SYNE1: variants seen among roughly 807,000 people sequenced by gnomAD.
SYNE1 encodes spectrin repeat containing nuclear envelope protein 1.
In SYNE1, 616 loss-of-function variants were observed where a neutral mutation model predicts 1,111.0. The ratio of observed to expected loss-of-function variants is 0.55; its 90% CI spans 0.52 to 0.59. SYNE1 has a LOEUF of 0.59. Ranked by LOEUF, SYNE1 falls within the 20% of genes least tolerant of loss-of-function variation. The pLI, the probability that SYNE1 is intolerant of heterozygous loss-of-function variation, is 0.00. For synonymous variants in SYNE1, 3,855 were observed against 3,825.8 expected, an observed-to-expected ratio of 1.01 and a Z score of -0.28; for missense variants, 10,006 against 10,417.0, an observed-to-expected ratio of 0.96 and a Z score of 1.72.
intron 3 of SYNE1, among the ~76,000 whole-genome samples, chr6:152,572,180 T>C (rs1204715865): frequency 6.6e-6 from 1 of 152,242 alleles, no homozygotes; most frequent in African/African-American, 2.4e-5. Context: ...TTGCATAATA[T>C]AATACTTAGC....
intron 97 of SYNE1, among the ~76,000 whole-genome samples, chr6:152,279,689 C>T (rs2093905588): frequency 6.8e-6 from 1 of 148,032 alleles, no homozygotes; most frequent in Non-Finnish European, 1.5e-5. Flanking sequence ...TGCTCTCCAG[C>T]CTGGGTGACA....
chr6:152,485,097 A>C (rs1172074096), intron 12 of SYNE1, 125 bp from the exon 13 acceptor site: 12 of 1,120,950 alleles, frequency 1.1e-5, no homozygotes, highest in Non-Finnish European at 1.4e-5. Context: ...GTTGATAATA[A>C]TAACGGTAGT....
chr6:152,584,626 C>T (rs899351565), intron 3 of SYNE1, among the ~76,000 whole-genome samples: 2 of 152,062 alleles, frequency 1.3e-5, no homozygotes, highest in Admixed American at 1.3e-4. Flanking sequence ...CTGCTCTACA[C>T]TTCTGGGCTC....
In SYNE1 at chr6:152,353,389, T is replaced by C. The variant is rs149260051; in HGVS notation, c.11127A>G (p.Glu3709=). ...AATAGGAACTGAGGGATGATTCTGA[T>C]TCCTCCAAACTCTGAATCTCCTCCT... The part of the protein sequence containing the change: ...FLEEEIQSLE[E]SESSLSSYSD... The change falls in exon 69 of 146, where the codon GAA becomes GAG. Residue 3709 remains glutamate (E), a synonymous_variant. Transcript: ENST00000367255. 1,411 of 1,614,240 alleles carry C rather than the reference T, an allele frequency of 8.7e-4. 2 individuals carry two copies. Among genetic ancestry groups the C allele is most frequent in the Non-Finnish European group, 1.1e-3 (1,270 of 1,180,038 alleles).
intron 3 of SYNE1, among the ~76,000 whole-genome samples, chr6:152,602,145 T>C (rs2099597680): frequency 6.6e-6 from 1 of 152,086 alleles, no homozygotes; most frequent in Non-Finnish European, 1.5e-5. Flanking sequence ...TTGTGCCACC[T>C]CCACCCACTG....
chr6:152,439,428 C>T (rs1029066907), intron 32 of SYNE1, among the ~76,000 whole-genome samples: 1 of 152,104 alleles, frequency 6.6e-6, no homozygotes, highest in African/African-American at 2.4e-5. Context: ...TGGGGTATTG[C>T]TATATTGACC....
intron 51 of SYNE1, among the ~76,000 whole-genome samples, chr6:152,394,955 G>A (rs962819475): frequency 2.4e-4 from 36 of 151,760 alleles, no homozygotes; most frequent in Non-Finnish European, 1.5e-5. Context: ...GCTAATTTTT[G>A]TATTTTTAGT....
chr6:152,160,017 CT>C (rs1182679497), intron 131 of SYNE1, among the ~76,000 whole-genome samples: 3 of 150,902 alleles, frequency 2.0e-5, no homozygotes, highest in South Asian at 2.1e-4. Flanking sequence ...TGTTTCTTTT[CT>C]TTTTTTTTAG....
chr6:152,385,444 C>T lies in SYNE1; in HGVS notation c.8652+230G>A, dbSNP rs77249508. Among the ~76,000 whole-genome samples the T allele has an allele frequency of 0.13, 20,293 of 152,168 alleles. 2,673 individuals are homozygous for T. Among genetic ancestry groups the T allele is most frequent in the African/African-American group, 0.33 (13,867 of 41,474 alleles). On this transcript the variant is annotated intron_variant, in intron 55 of 145. Coordinates refer to ENST00000367255, the MANE Select transcript of SYNE1 (RefSeq NM_182961.4). ...TTCCTAGCCTGTCATATTACGGCAA[C>T]AAGCACATTTGCATACAGAAATGTA...
intron 3 of SYNE1, among the ~76,000 whole-genome samples, chr6:152,562,502 A>T (rs1249010472): frequency 6.6e-6 from 1 of 152,228 alleles, no homozygotes; most frequent in African/African-American, 2.4e-5. Context: ...TCTCAAAAAA[A>T]TTAAAAATAG....
chr6:152,276,293 C>T (rs955116536), intron 98 of SYNE1, among the ~76,000 whole-genome samples: 17 of 152,060 alleles, frequency 1.1e-4, no homozygotes, highest in African/African-American at 4.1e-4. Context: ...CCTTGGCCTC[C>T]CAAATTGCTG....
rs2093825009 is a variant in SYNE1 at position 152,278,870 on chromosome 6, G to A, written c.18382-590C>T. 2.0e-5 allele frequency among the ~76,000 whole-genome samples: 3 copies of A among 152,118 alleles called. No individual in the cohort carries two copies. The South Asian group carries it at 6.2e-4, about 32-fold the overall frequency. ...GCGGCCTCCATCTACTGGGTTCAAGGGATCCCCTTGCCTGAGCCTCCCATG... is the reference window on the plus strand; with the variant it reads ...GCGGCCTCCATCTACTGGGTTCAAGAGATCCCCTTGCCTGAGCCTCCCATG... On this transcript the variant is annotated intron_variant, in intron 97 of 145. Coordinates refer to ENST00000367255, the MANE Select transcript of SYNE1 (RefSeq NM_182961.4).
At chr6:152,532,298 T>C (rs1425513430) in intron 4 of SYNE1, among the ~76,000 whole-genome samples, 2 of 152,172 alleles carry the variant, frequency 1.3e-5, no homozygotes, top group Non-Finnish European at 2.9e-5. Context: ...ACCAGGACCA[T>C]CTAGGACCTC....
At position 152,430,146 on chromosome 6, in the gene SYNE1, G is replaced by A; in HGVS notation, c.4754C>T (p.Ala1585Val). 6.2e-7 allele frequency: 1 copy of A among 1,603,590 alleles called. No individual in the cohort carries two copies. The change falls in exon 36 of 146, where the codon GCT (alanine) becomes GTT (valine). Residue 1585 changes from alanine (A) to valine (V), a missense_variant. By Grantham distance (64) the Ala-to-Val change is moderately conservative. Coordinates refer to ENST00000367255, the MANE Select transcript of SYNE1 (RefSeq NM_182961.4). The part of the protein sequence containing the change: ...LAVPIKICSS[A>V]TETYKVLQEH... ...TTGAAGAACTTTGTATGTTTCTGTAGCTGAAGAACATATTTTAATTGGAAC... is the reference window on the plus strand; with the variant it reads ...TTGAAGAACTTTGTATGTTTCTGTAACTGAAGAACATATTTTAATTGGAAC...
intron 24 of SYNE1, 29 bp from the exon 25 acceptor site, chr6:152,453,749 G>A (rs760026132): frequency 1.2e-6 from 2 of 1,613,886 alleles, no homozygotes; most frequent in East Asian, 2.2e-5. Flanking sequence ...GTGGGTAAGA[G>A]TGTTGGACAG....
At chr6:152,258,227 A>G (rs2091304675) in intron 101 of SYNE1, among the ~76,000 whole-genome samples, 1 of 152,228 alleles carries the variant, frequency 6.6e-6, no homozygotes, top group Non-Finnish European at 1.5e-5. Context: ...TTCTTGAAAA[A>G]AGTTATTTGA....
Position 152,451,364 on chromosome 6 carries a change from A to G in SYNE1, c.3028-159T>C, listed in dbSNP as rs1409125584. Among the ~76,000 whole-genome samples the G allele has an allele frequency of 4.1e-5, 6 of 145,558 alleles. No homozygotes were observed. The East Asian group carries it at 1.2e-3, about 29-fold the overall frequency. ...TCCACACCTGGTCTCTCTACTTTGT[A>G]TTTTTCCAAGTACCAGGACCACAGC... On this transcript the variant is annotated intron_variant, in intron 25 of 145. Coordinates refer to ENST00000367255, the MANE Select transcript of SYNE1 (RefSeq NM_182961.4).
intron 23 of SYNE1, 24 bp from the exon 24 acceptor site, chr6:152,455,614 T>A (rs758288726): frequency 6.8e-6 from 11 of 1,613,844 alleles, no homozygotes; most frequent in East Asian, 2.2e-5. Context: ...ACAATCATAA[T>A]GTGATGCTGC....
rs143042691 is a variant in SYNE1 at position 152,489,903 on chromosome 6, G to A, written c.940-1400C>T. ...GGATGTGGGGTAGAGCCAAAAATCCGTATGTCTAAGTTCCCAGGTGAATCT... is the reference window on the plus strand; with the variant it reads ...GGATGTGGGGTAGAGCCAAAAATCCATATGTCTAAGTTCCCAGGTGAATCT... On this transcript the variant is annotated intron_variant, in intron 11 of 145. Transcript: ENST00000367255. 3.2e-3 allele frequency among the ~76,000 whole-genome samples: 486 copies of A among 152,222 alleles called. 17 individuals carry two copies. In the East Asian group the frequency reaches 0.083, roughly 26 times the overall value.
Sources: gnomAD v4.1 joint callset for allele counts (sites outside exome capture counted in the v4.1 genomes callset) on GRCh38, gnomAD v4.1.1 for gene constraint, MANE v1.5 for transcripts, NCBI Gene and HGNC (gene_info 2026-07-23, HGNC 2026-07-21) for gene names.